Variants in IL1RAPL2 observed in about 807,000 individuals in gnomAD.
The protein encoded by IL1RAPL2 is interleukin 1 receptor accessory protein like 2.
In IL1RAPL2, 3 loss-of-function variants were observed where a neutral mutation model predicts 44.1. The observed-to-expected ratio is 0.07, with a 90% CI of 0.03 to 0.18. The LOEUF (loss-of-function observed/expected upper bound fraction) is 0.18, where lower values mean the gene tolerates loss of function less well. Among genes scored for constraint, IL1RAPL2 ranks in the 10% least tolerant of loss-of-function variants. The pLI, the probability that IL1RAPL2 is intolerant of heterozygous loss-of-function variation, is 1.00. For synonymous variants in IL1RAPL2, 181 were observed against 178.8 expected (o/e 1.01, Z -0.10); for missense variants, 391 against 496.4 (o/e 0.79, Z 2.02).
intron 2 of IL1RAPL2, among the ~76,000 whole-genome samples, chrX:104,814,138 C>G (rs1387864682): frequency 9.0e-6 from 1 of 111,569 alleles, no homozygotes; most frequent in Non-Finnish European, 1.9e-5. Flanking sequence ...GATAGGCTAG[C>G]ACTGACCCAG....
At chrX:105,613,863 C>G (rs2037354331) in intron 6 of IL1RAPL2, among the ~76,000 whole-genome samples, 1 of 111,117 alleles carries the variant, frequency 9.0e-6, no homozygotes, top group Admixed American at 9.6e-5. Flanking sequence ...TACTCCGGTT[C>G]CTGGCTTCTG....
At chrX:105,523,620 A>G (rs1449092536) in intron 6 of IL1RAPL2, among the ~76,000 whole-genome samples, 1 of 111,636 alleles carries the variant, frequency 9.0e-6, no homozygotes. Flanking sequence ...TCATATTTAC[A>G]TATCTTTTGA....
chrX:105,227,796 T>C (rs2147632383), intron 3 of IL1RAPL2, among the ~76,000 whole-genome samples: 1 of 112,370 alleles, frequency 8.9e-6, no homozygotes, highest in African/African-American at 3.2e-5. Context: ...GCTTAAAAGA[T>C]TTTTCAATAA....
chrX:104,909,452 G>GT (rs1924153704), intron 2 of IL1RAPL2, among the ~76,000 whole-genome samples: 1 of 111,800 alleles, frequency 8.9e-6, no homozygotes, highest in African/African-American at 3.2e-5. Flanking sequence ...TTTCTGTTCT[G>GT]TTTTTTCCCC....
At chrX:105,609,845 T>C (rs1221493574) in intron 6 of IL1RAPL2, among the ~76,000 whole-genome samples, 6 of 111,866 alleles carry the variant, frequency 5.4e-5, no homozygotes. Context: ...CTGGTATGAT[T>C]CAAAGTGAGT....
chrX:105,415,462 A>G (rs1480789094), intron 5 of IL1RAPL2, among the ~76,000 whole-genome samples: 1 of 112,018 alleles, frequency 8.9e-6, no homozygotes, highest in African/African-American at 3.2e-5. Flanking sequence ...GTCCAGAGCT[A>G]TATGTCTATT....
chrX:104,964,316 A>T (rs964595094), intron 2 of IL1RAPL2, among the ~76,000 whole-genome samples: 13 of 102,847 alleles, frequency 1.3e-4, no homozygotes, highest in African/African-American at 3.7e-4. Flanking sequence ...TTATTTATTT[A>T]TTTTATTTAT....
chrX:104,831,829 C>T (rs1921615138), intron 2 of IL1RAPL2, among the ~76,000 whole-genome samples: 1 of 111,241 alleles, frequency 9.0e-6, no homozygotes, highest in Non-Finnish European at 1.9e-5. Flanking sequence ...TAAAATATCA[C>T]TCTGAGACTG....
At chrX:104,860,398 G>A (rs1027590648) in intron 2 of IL1RAPL2, among the ~76,000 whole-genome samples, 1 of 111,083 alleles carries the variant, frequency 9.0e-6, no homozygotes. Context: ...CATGTCATAG[G>A]AGGCTCCTTC....
At chrX:105,253,219 C>G (rs1434993202) in intron 4 of IL1RAPL2, among the ~76,000 whole-genome samples, 1 of 111,750 alleles carries the variant, frequency 8.9e-6, no homozygotes, top group Non-Finnish European at 1.9e-5. Context: ...TTCCACAGTT[C>G]TTGGATATTC....
rs1556298961 is a variant in IL1RAPL2 at position 105,363,277 on chromosome X, G to GTATATATATATAATATA, written c.697+95749_697+95765dup. 8.3e-4 allele frequency among the ~76,000 whole-genome samples: 67 copies of GTATATATATATAATATA among 81,038 alleles called. 2 individuals are homozygous for GTATATATATATAATATA. The highest frequency in any genetic ancestry group is 2.9e-3 in the African/African-American group (58 of 19,757). 70.4% of individuals were successfully genotyped at this position (81,038 alleles called of 115,157 possible). On this transcript the variant is annotated intron_variant, in intron 5 of 10. Coordinates refer to ENST00000372582, the MANE Select transcript of IL1RAPL2 (RefSeq NM_017416.2). ...TATACATGTGTTTATATATATGTGT[G>GTATATATATATAATATA]TATATATATATAATATATATATATA...
intron 2 of IL1RAPL2, among the ~76,000 whole-genome samples, chrX:104,902,596 C>T (rs1199688903): frequency 8.9e-6 from 1 of 111,858 alleles, no homozygotes; most frequent in Non-Finnish European, 1.9e-5. Flanking sequence ...ATTATTTCAG[C>T]CTCAAGCCTA....
chrX:104,743,177 C>G (rs1458885427), intron 2 of IL1RAPL2, among the ~76,000 whole-genome samples: 6 of 110,643 alleles, frequency 5.4e-5, no homozygotes, highest in Non-Finnish European at 1.1e-4. Context: ...TGTTTACTCT[C>G]TTTACTCCGA....
intron 2 of IL1RAPL2, among the ~76,000 whole-genome samples, chrX:104,675,290 T>A (rs1163277038): frequency 1.8e-5 from 2 of 111,697 alleles, no homozygotes; most frequent in Non-Finnish European, 3.8e-5. Flanking sequence ...GAGATTCTGG[T>A]ATGTTGTGTC....
chrX:105,392,072 C>T (rs2035529026), intron 5 of IL1RAPL2, among the ~76,000 whole-genome samples: 1 of 105,473 alleles, frequency 9.5e-6, no homozygotes. Flanking sequence ...GTGCAGCACA[C>T]CAGCATAGCA....
chrX:105,610,652 T>A (rs1490020138), intron 6 of IL1RAPL2, among the ~76,000 whole-genome samples: 1 of 112,057 alleles, frequency 8.9e-6, no homozygotes, highest in South Asian at 3.7e-4. Context: ...CCTAGTCACA[T>A]CACAGCCATC....
At chrX:105,220,925 C>T (rs1356724719) in intron 3 of IL1RAPL2, among the ~76,000 whole-genome samples, 1 of 111,771 alleles carries the variant, frequency 8.9e-6, no homozygotes, top group Non-Finnish European at 1.9e-5. Flanking sequence ...CCCATGTATC[C>T]CTCCCTCTTG....
At chrX:105,337,432 T>A (rs1158839152) in intron 5 of IL1RAPL2, among the ~76,000 whole-genome samples, 1 of 112,115 alleles carries the variant, frequency 8.9e-6, no homozygotes, top group East Asian at 2.8e-4. Context: ...ATAGAGATTA[T>A]GAAATATTAA....
At chrX:105,201,895 AG>A (rs1433199778) in intron 3 of IL1RAPL2, among the ~76,000 whole-genome samples, 2 of 111,913 alleles carry the variant, frequency 1.8e-5, no homozygotes, top group Admixed American at 9.5e-5. Context: ...AAAGTGTAGC[AG>A]GATCTTGAGA....
Sources: gnomAD v4.1 joint callset for allele counts (sites outside exome capture counted in the v4.1 genomes callset) on GRCh38, gnomAD v4.1.1 for gene constraint, MANE v1.5 for transcripts, NCBI Gene and HGNC (gene_info 2026-07-23, HGNC 2026-07-21) for gene names.